MOB3B: variants seen among roughly 807,000 people sequenced by gnomAD.
MOB3B encodes the protein MOB kinase activator 3B, also known as MOB kinase activator-like 2B.
A neutral mutation model predicts 18.7 loss-of-function variants in MOB3B; 7 were observed. The ratio of observed to expected loss-of-function variants is 0.37; its 90% confidence interval spans 0.21 to 0.70. MOB3B has a LOEUF of 0.70. Ranked by LOEUF, MOB3B falls within the 30% of genes least tolerant of loss-of-function variation. MOB3B has a pLI of 0.52. For missense variants in MOB3B, 253 were observed against 281.3 expected (o/e 0.90, Z 0.72); for synonymous variants, 111 against 99.9 (o/e 1.11, Z -0.66).
Position 27,326,323 on chromosome 9 carries a change from A to G in MOB3B, c.*4264T>C, listed in dbSNP as rs1587132599. 5 of 396,004 alleles carry G rather than the reference A, an allele frequency of 1.3e-5. No homozygotes were observed. Among genetic ancestry groups the G allele is most frequent in the Non-Finnish European group, 2.2e-5 (5 of 224,872 alleles). The allele number at this position is 396,004 out of a possible 1,614,324, so 24.5% of individuals were successfully genotyped here. A position where few individuals can be genotyped will look rare whatever the true frequency, so the allele number is the denominator to read the frequency against. On this transcript the variant is annotated 3_prime_UTR_variant, in exon 4 of 4. Transcript: ENST00000262244. ...CCCTGGGAGAATTGCAAGGGAAAGG[A>G]GGCTGAAGCACAACTGGTAATAGCC...
intron 2 of MOB3B, among the ~76,000 whole-genome samples, chr9:27,363,989 C>T (rs1391401133): frequency 4.6e-5 from 7 of 152,222 alleles, no homozygotes; most frequent in Admixed American, 2.0e-4. Flanking sequence ...AAGCGATCCT[C>T]CCACCTCAGC....
intron 2 of MOB3B, among the ~76,000 whole-genome samples, chr9:27,361,590 T>C (rs1821275242): frequency 6.6e-6 from 1 of 152,248 alleles, no homozygotes; most frequent in Admixed American, 6.5e-5. Flanking sequence ...TAGTATTTAC[T>C]GAGCTCTTAC....
chr9:27,404,929 T>A lies in MOB3B; in HGVS notation c.419-45693A>T, dbSNP rs538690352. Reference sequence around the variant, plus strand: ...TCCACATCCTCACCAGCCTTAATTATTGCCTTTCTTTTGGATAAAAGCCAT... The same window carrying A: ...TCCACATCCTCACCAGCCTTAATTAATGCCTTTCTTTTGGATAAAAGCCAT... On this transcript the variant is annotated intron_variant, in intron 2 of 3. Transcript: ENST00000262244. Among the ~76,000 whole-genome samples, 3 of 152,220 alleles carry A rather than the reference T, an allele frequency of 2.0e-5. No individual in the cohort carries two copies. The South Asian group carries it at 6.2e-4, about 32-fold the overall frequency.
intron 2 of MOB3B, among the ~76,000 whole-genome samples, chr9:27,405,756 G>T (rs1461578072): frequency 1.3e-5 from 2 of 152,116 alleles, no homozygotes; most frequent in Non-Finnish European, 2.9e-5. Context: ...GTTCAACAAG[G>T]CAAGGATAAT....
At chr9:27,506,545 T>G (rs1820062403) in intron 1 of MOB3B, among the ~76,000 whole-genome samples, 1 of 152,094 alleles carries the variant, frequency 6.6e-6, no homozygotes, top group Non-Finnish European at 1.5e-5. Context: ...CTTTTTTTTT[T>G]TTTTGAGACG....
intron 1 of MOB3B, among the ~76,000 whole-genome samples, chr9:27,479,777 A>G (rs1819618968): frequency 6.6e-6 from 1 of 152,212 alleles, no homozygotes; most frequent in South Asian, 2.1e-4. Flanking sequence ...GAAATTTTGA[A>G]TAACTTAAAA....
At chr9:27,344,104 A>C (rs7023549) in intron 3 of MOB3B, among the ~76,000 whole-genome samples, 9,006 of 146,042 alleles carry the variant, frequency 0.062, 323 homozygotes, top group African/African-American at 0.092. Context: ...AAATTTAGAA[A>C]GGAAAAAAAA....
chr9:27,342,493 T>A (rs1820959745), intron 3 of MOB3B, among the ~76,000 whole-genome samples: 1 of 134,952 alleles, frequency 7.4e-6, no homozygotes. Flanking sequence ...CCGGTCTCCC[T>A]CTGATGCCAC....
intron 1 of MOB3B, among the ~76,000 whole-genome samples, chr9:27,484,524 C>T (rs1484688550): frequency 1.3e-5 from 2 of 152,166 alleles, no homozygotes; most frequent in Non-Finnish European, 2.9e-5. Context: ...TTTATTTTTA[C>T]TTTAAATAAA....
intron 2 of MOB3B, among the ~76,000 whole-genome samples, chr9:27,436,496 C>T (rs1822503701): frequency 6.6e-6 from 1 of 152,158 alleles, no homozygotes; most frequent in Non-Finnish European, 1.5e-5. Flanking sequence ...CACTGTCTGG[C>T]ATGTGTGAAA....
intron 1 of MOB3B, among the ~76,000 whole-genome samples, chr9:27,492,097 T>G (rs1029421311): frequency 6.6e-6 from 1 of 152,180 alleles, no homozygotes; most frequent in African/African-American, 2.4e-5. Flanking sequence ...CATGACATCT[T>G]AAGAGCAAAT....
rs547581167 is a variant in MOB3B, at chr9:27,402,207, G to C, written c.419-42971C>G. Among the ~76,000 whole-genome samples the C allele has an allele frequency of 3.3e-5, 5 of 152,262 alleles. No homozygotes were observed. The South Asian group carries it at 1.0e-3, about 32-fold the overall frequency. ...AATAGTCAATAAACGGTAAACATTT[G>C]GTTGAACCACATGAAGTTAAAAATT... is the stretch of plus-strand genomic sequence containing the variant. On this transcript the variant is annotated intron_variant, in intron 2 of 3. Coordinates refer to ENST00000262244, the MANE Select transcript of MOB3B (RefSeq NM_024761.5).
At chr9:27,452,670 T>C (rs1402570410) in intron 2 of MOB3B, among the ~76,000 whole-genome samples, 1 of 152,212 alleles carries the variant, frequency 6.6e-6, no homozygotes, top group African/African-American at 2.4e-5. Context: ...ATATACACAA[T>C]GGAATACTAT....
chr9:27,485,742 T>G (rs1225298753), intron 1 of MOB3B, among the ~76,000 whole-genome samples: 1 of 152,234 alleles, frequency 6.6e-6, no homozygotes, highest in Non-Finnish European at 1.5e-5. Context: ...CCCCTTGTTC[T>G]CTTCTGTGTT....
chr9:27,343,454 C>T (rs1245545116), intron 3 of MOB3B, among the ~76,000 whole-genome samples: 2 of 115,762 alleles, frequency 1.7e-5, no homozygotes, highest in Non-Finnish European at 3.4e-5. Context: ...CTCCGAGAAA[C>T]ACCCAAGAAT....
In MOB3B at chr9:27,466,993, A is replaced by G. The variant is rs561461965; in HGVS notation, c.-198-11245T>C. 5.3e-5 allele frequency among the ~76,000 whole-genome samples: 8 copies of G among 152,310 alleles called. No individual in the cohort carries two copies. The East Asian group carries it at 1.5e-3, about 29-fold the overall frequency. On this transcript the variant is annotated intron_variant, in intron 1 of 3. Transcript: ENST00000262244. ...AACTCTCAAGAGAGAACAGACAACC[A>G]TCTAGCTAGATGATTTCTCATTTTT...
chr9:27,363,158 A>G (rs929918013), intron 2 of MOB3B, among the ~76,000 whole-genome samples: 5 of 152,200 alleles, frequency 3.3e-5, no homozygotes, highest in African/African-American at 1.2e-4. Context: ...CCATTACATA[A>G]CTAAAAGAAA....
chr9:27,499,708 C>T (rs372141420), intron 1 of MOB3B, among the ~76,000 whole-genome samples: 12 of 151,938 alleles, frequency 7.9e-5, no homozygotes, highest in East Asian at 7.7e-4. Context: ...GCAACTATCC[C>T]ACCTTCTGAA....
chr9:27,482,962 G>T (rs1587247830), intron 1 of MOB3B, among the ~76,000 whole-genome samples: 1 of 152,162 alleles, frequency 6.6e-6, no homozygotes, highest in East Asian at 1.9e-4. Context: ...CTGCTAACCT[G>T]TCTTATCCAC....
Sources: gnomAD v4.1 joint callset for allele counts (sites outside exome capture counted in the v4.1 genomes callset) on GRCh38, gnomAD v4.1.1 for gene constraint, MANE v1.5 for transcripts, NCBI Gene and HGNC (gene_info 2026-07-23, HGNC 2026-07-21) for gene names.